The following SH3RF3 variants were observed in gnomAD, a reference collection of about 807,000 sequenced individuals.
SH3RF3 encodes the protein E3 ubiquitin-protein ligase SH3RF3.
In SH3RF3, 29 loss-of-function variants were observed where a neutral mutation model predicts 66.3. The ratio of observed to expected loss-of-function variants is 0.44; its 90% CI spans 0.33 to 0.60. The LOEUF is 0.60. Among genes scored for constraint, SH3RF3 ranks in the 20% least tolerant of loss-of-function variants. The pLI is 0.04. For synonymous variants in SH3RF3, 583 were observed against 532.0 expected, an observed-to-expected ratio of 1.10 and a Z score of -1.32; for missense variants, 1,194 against 1,190.9, an observed-to-expected ratio of 1.00 and a Z score of -0.04.
rs530829269 is a variant in SH3RF3 at position 109,474,195 on chromosome 2, G to T, written c.2149-16410G>T. Among the ~76,000 whole-genome samples, 94 of 152,304 alleles carry T rather than the reference G, an allele frequency of 6.2e-4. 3 individuals carry two copies. In the South Asian group the frequency reaches 0.018, roughly 30 times the overall value. Reference sequence around the variant, plus strand: ...AGAGCACACACCTGTGTGTGGGCAGGTGTAAGCCATGCAGTGGCTCTCTAG... The same window carrying T: ...AGAGCACACACCTGTGTGTGGGCAGTTGTAAGCCATGCAGTGGCTCTCTAG... On this transcript the variant is annotated intron_variant, in intron 8 of 9. Coordinates refer to ENST00000309415, the MANE Select transcript of SH3RF3 (RefSeq NM_001099289.3).
Position 109,178,465 on chromosome 2 carries a change from A to G in SH3RF3, c.573+48352A>G, listed in dbSNP as rs187523832. Among the ~76,000 whole-genome samples, 99 of 152,310 alleles carry G rather than the reference A, an allele frequency of 6.5e-4. 1 individual carries two copies. The highest frequency in any genetic ancestry group is 2.1e-4 in the Non-Finnish European group (14 of 68,034). Reference sequence around the variant, plus strand: ...GATGGTCTCCTGTAGCAGGTCCTCCAGAGATATTATACTTGGATAGTTTAT... The same window carrying G: ...GATGGTCTCCTGTAGCAGGTCCTCCGGAGATATTATACTTGGATAGTTTAT... On this transcript the variant is annotated intron_variant, in intron 1 of 9. Coordinates refer to ENST00000309415, the MANE Select transcript of SH3RF3 (RefSeq NM_001099289.3).
At chr2:109,164,926 T>C (rs979437984) in intron 1 of SH3RF3, among the ~76,000 whole-genome samples, 2 of 152,210 alleles carry the variant, frequency 1.3e-5, no homozygotes, top group Non-Finnish European at 2.9e-5. Context: ...AACTGGACCA[T>C]TGCAAATAAA....
intron 2 of SH3RF3, among the ~76,000 whole-genome samples, chr2:109,368,658 A>G (rs1000740605): frequency 6.7e-6 from 1 of 149,992 alleles, no homozygotes; most frequent in African/African-American, 2.5e-5. Flanking sequence ...ATTTGGCTCT[A>G]ATTTCTAGAC....
chr2:109,282,825 G>A (rs776185051), intron 1 of SH3RF3, among the ~76,000 whole-genome samples: 5 of 152,210 alleles, frequency 3.3e-5, no homozygotes, highest in Non-Finnish European at 7.3e-5. Context: ...TGGCAGGCAG[G>A]AGGAGGTGGA....
At chr2:109,235,608 A>G (rs1185636793) in intron 1 of SH3RF3, among the ~76,000 whole-genome samples, 2 of 152,208 alleles carry the variant, frequency 1.3e-5, no homozygotes, top group African/African-American at 2.4e-5. Flanking sequence ...TGGGCCTCGA[A>G]GGCTGTTGTT....
At chr2:109,224,929 A>G (rs1184652490) in intron 1 of SH3RF3, among the ~76,000 whole-genome samples, 1 of 152,056 alleles carries the variant, frequency 6.6e-6, no homozygotes, top group African/African-American at 2.4e-5. Context: ...GCTAGTGGCT[A>G]CTCTAATGGA....
At chr2:109,326,767 A>G (rs1682170069) in intron 1 of SH3RF3, among the ~76,000 whole-genome samples, 1 of 152,246 alleles carries the variant, frequency 6.6e-6, no homozygotes, top group South Asian at 2.1e-4. Context: ...TTCTGGATAC[A>G]GTAACTGTTT....
chr2:109,251,948 A>G (rs1680103014), intron 1 of SH3RF3, among the ~76,000 whole-genome samples: 1 of 152,204 alleles, frequency 6.6e-6, no homozygotes, highest in Non-Finnish European at 1.5e-5. Context: ...CAAATAAAAC[A>G]AGATAAAACT....
intron 1 of SH3RF3, among the ~76,000 whole-genome samples, chr2:109,304,995 C>A (rs1033143049): frequency 2.0e-5 from 3 of 152,122 alleles, no homozygotes; most frequent in Non-Finnish European, 4.4e-5. Flanking sequence ...GTGTTGAGTG[C>A]CTCATTTGTC....
chr2:109,322,987 A>T (rs1682063338), intron 1 of SH3RF3, among the ~76,000 whole-genome samples: 1 of 152,218 alleles, frequency 6.6e-6, no homozygotes, highest in Non-Finnish European at 1.5e-5. Context: ...ACTGTGGGCA[A>T]GGCTGCTGAG....
chr2:109,186,885 TG>T (rs974050087), intron 1 of SH3RF3, among the ~76,000 whole-genome samples: 5 of 152,226 alleles, frequency 3.3e-5, no homozygotes, highest in African/African-American at 1.2e-4. Context: ...TGTGATTCTG[TG>T]GGTCCATATA....
chr2:109,414,814 G>A (rs1258147883), intron 4 of SH3RF3, among the ~76,000 whole-genome samples: 5 of 152,188 alleles, frequency 3.3e-5, no homozygotes, highest in South Asian at 2.1e-4. Flanking sequence ...CTAGAAACTC[G>A]GCCCATGCTC....
intron 5 of SH3RF3, among the ~76,000 whole-genome samples, chr2:109,427,265 G>C (rs1018084237): frequency 2.0e-5 from 3 of 152,026 alleles, no homozygotes; most frequent in African/African-American, 4.8e-5. Flanking sequence ...CACCGTGCCT[G>C]GACAAAGAAA....
At chr2:109,314,462 A>G (rs1024260700) in intron 1 of SH3RF3, among the ~76,000 whole-genome samples, 1 of 152,202 alleles carries the variant, frequency 6.6e-6, no homozygotes, top group Admixed American at 6.5e-5. Flanking sequence ...CCCTGGGGAA[A>G]GCAGGTCAGC....
At chr2:109,229,697 A>C (rs1198909428) in intron 1 of SH3RF3, among the ~76,000 whole-genome samples, 2 of 152,220 alleles carry the variant, frequency 1.3e-5, no homozygotes, top group Admixed American at 6.5e-5. Flanking sequence ...CATGGTGACT[A>C]CATCTAGGTA....
At chr2:109,233,281 G>A (rs1679564343) in intron 1 of SH3RF3, among the ~76,000 whole-genome samples, 1 of 152,192 alleles carries the variant, frequency 6.6e-6, no homozygotes, top group African/African-American at 2.4e-5. Flanking sequence ...TGCAGAGGTT[G>A]TATTGAGTGA....
intron 6 of SH3RF3, among the ~76,000 whole-genome samples, chr2:109,435,670 G>C (rs1677379072): frequency 6.6e-6 from 1 of 152,358 alleles, no homozygotes; most frequent in Non-Finnish European, 1.5e-5. Flanking sequence ...GTTTTCTGCT[G>C]TCATGAGAGG....
At chr2:109,329,892 G>T (rs1682246842) in intron 1 of SH3RF3, among the ~76,000 whole-genome samples, 1 of 152,192 alleles carries the variant, frequency 6.6e-6, no homozygotes, top group Non-Finnish European at 1.5e-5. Flanking sequence ...GTTTCCAAAA[G>T]TCTCTCTGCA....
chr2:109,291,280 CTTTTTT>C (rs11295870), intron 1 of SH3RF3, among the ~76,000 whole-genome samples: 2 of 137,272 alleles, frequency 1.5e-5, no homozygotes, highest in African/African-American at 5.4e-5. Flanking sequence ...AGAGTAATCT[CTTTTTT>C]TTTTTTTTTT....
Sources: gnomAD v4.1 joint callset for allele counts (sites outside exome capture counted in the v4.1 genomes callset) on GRCh38, gnomAD v4.1.1 for gene constraint, MANE v1.5 for transcripts, NCBI Gene and HGNC (gene_info 2026-07-23, HGNC 2026-07-21) for gene names.